DLGAP2: variants seen among roughly 807,000 people sequenced by gnomAD.
DLGAP2 encodes the protein DLG associated protein 2.
In DLGAP2, 26 loss-of-function variants were observed where a neutral mutation model predicts 100.3. That is an observed-to-expected ratio of 0.26 (90% CI 0.19 to 0.36). The LOEUF (loss-of-function observed/expected upper bound fraction) is 0.36, where lower values mean the gene tolerates loss of function less well. Among genes scored for constraint, DLGAP2 ranks in the 10% least tolerant of loss-of-function variants. The pLI is 1.00. For missense variants in DLGAP2, 1,858 were observed against 1,453.2 expected (o/e 1.28, Z -4.53); for synonymous variants, 886 against 630.1 (o/e 1.41, Z -6.08).
At chr8:1,311,058 G>C (rs1440100771) in intron 3 of DLGAP2, among the ~76,000 whole-genome samples, 1 of 149,966 alleles carries the variant, frequency 6.7e-6, no homozygotes, top group Non-Finnish European at 1.5e-5. Context: ...AAAAAAAAAA[G>C]AGAACACATA....
chr8:1,339,966 T>A (rs1368470917), intron 3 of DLGAP2, among the ~76,000 whole-genome samples: 2 of 152,242 alleles, frequency 1.3e-5, no homozygotes, highest in Non-Finnish European at 2.9e-5. Flanking sequence ...TAAATGTACA[T>A]GAGAAAATCA....
At chr8:822,987 G>T (rs1347995938) in intron 1 of DLGAP2, among the ~76,000 whole-genome samples, 1 of 152,084 alleles carries the variant, frequency 6.6e-6, no homozygotes, top group Non-Finnish European at 1.5e-5. Flanking sequence ...TTTGTCAAAG[G>T]GAAGAGAGGA....
intron 6 of DLGAP2, among the ~76,000 whole-genome samples, chr8:1,607,018 A>G (rs1329178303): frequency 6.6e-6 from 1 of 152,112 alleles, no homozygotes; most frequent in Admixed American, 6.5e-5. Context: ...ACACATTTTC[A>G]TTTCTCCTGG....
Position 1,550,376 on chromosome 8 carries a change from C to T in DLGAP2, c.1230+693C>T, listed in dbSNP as rs984206765. Among the ~76,000 whole-genome samples, 7 of 152,336 alleles carry T rather than the reference C, an allele frequency of 4.6e-5. No homozygotes were observed. The East Asian group carries it at 9.7e-4, about 21-fold the overall frequency. Reference sequence around the variant, plus strand: ...TGAGTCTGGCCTGCTCTGGGAGGGCCTCTGAAGATCCCGACTCCTCCTTGG... The same window carrying T: ...TGAGTCTGGCCTGCTCTGGGAGGGCTTCTGAAGATCCCGACTCCTCCTTGG... On this transcript the variant is annotated intron_variant, in intron 5 of 14. Transcript: ENST00000637795.
intron 3 of DLGAP2, among the ~76,000 whole-genome samples, chr8:1,296,387 C>T (rs960164783): frequency 6.6e-6 from 1 of 152,086 alleles, no homozygotes; most frequent in African/African-American, 2.4e-5. Flanking sequence ...GCTGCATGTG[C>T]CTTGTAACTT....
intron 2 of DLGAP2, among the ~76,000 whole-genome samples, chr8:1,062,585 C>G (rs1275806639): frequency 6.6e-6 from 1 of 152,188 alleles, no homozygotes; most frequent in African/African-American, 2.4e-5. Flanking sequence ...GCTGGTAGCA[C>G]TCAACTAGTT....
Position 1,107,063 on chromosome 8 carries a change from C to A in DLGAP2, c.74-151788C>A, listed in dbSNP as rs1804798333. On this transcript the variant is annotated intron_variant, in intron 2 of 14. Transcript: ENST00000637795. ...AGTGAGTGTACTGACAATGCATTTCCCATTCTAACAAAATGTGACTTTTGT... is the reference window on the plus strand; with the variant it reads ...AGTGAGTGTACTGACAATGCATTTCACATTCTAACAAAATGTGACTTTTGT... Among the ~76,000 whole-genome samples the A allele has an allele frequency of 2.0e-5, 3 of 152,108 alleles. No individual in the cohort carries two copies. The South Asian group carries it at 6.2e-4, about 32-fold the overall frequency.
intron 3 of DLGAP2, among the ~76,000 whole-genome samples, chr8:1,448,969 C>T (rs1038219809): frequency 3.3e-5 from 5 of 152,302 alleles, no homozygotes; most frequent in South Asian, 2.1e-4. Context: ...CCTTAGGTCA[C>T]GCAAAGTCTG....
intron 1 of DLGAP2, among the ~76,000 whole-genome samples, chr8:768,671 G>A (rs946134510): frequency 1.5e-4 from 23 of 151,828 alleles, no homozygotes; most frequent in Admixed American, 2.0e-4. Flanking sequence ...TGATCTGCCC[G>A]CCTCGGCCTC....
intron 3 of DLGAP2, among the ~76,000 whole-genome samples, chr8:1,347,473 T>G (rs557842721): frequency 6.6e-6 from 1 of 152,210 alleles, no homozygotes; most frequent in Non-Finnish European, 1.5e-5. Context: ...AGAGCTGCAT[T>G]GCTCTCATGG....
chr8:1,182,491 T>G lies in DLGAP2; in HGVS notation c.74-76360T>G, dbSNP rs559547068. 1.7e-3 allele frequency among the ~76,000 whole-genome samples: 255 copies of G among 152,340 alleles called. 2 individuals carry two copies. Among genetic ancestry groups the G allele is most frequent in the African/African-American group, 6.0e-3 (249 of 41,588 alleles). ...AATTCTCGTAGCCCTAACAGAATTG[T>G]GTCACTAGGAAATGAGCGTGCATTT... On this transcript the variant is annotated intron_variant, in intron 2 of 14. Coordinates refer to ENST00000637795, the MANE Select transcript of DLGAP2 (RefSeq NM_001346810.2).
intron 3 of DLGAP2, among the ~76,000 whole-genome samples, chr8:1,263,545 A>G (rs1043769040): frequency 6.6e-6 from 1 of 152,224 alleles, no homozygotes; most frequent in African/African-American, 2.4e-5. Context: ...AGTTAGTAGC[A>G]TTAAGTTCTT....
intron 1 of DLGAP2, among the ~76,000 whole-genome samples, chr8:871,670 C>T (rs887438817): frequency 6.6e-6 from 1 of 152,040 alleles, no homozygotes. Flanking sequence ...AGACATTCAA[C>T]CAGATAAGTA....
intron 2 of DLGAP2, chr8:1,018,613 T>C: frequency 6.6e-6 from 1 of 152,244 alleles, no homozygotes; most frequent in Admixed American, 6.5e-5. Flanking sequence ...TTAAAGTTTA[T>C]CTGTCCTCAT....
intron 4 of DLGAP2, among the ~76,000 whole-genome samples, chr8:1,527,489 G>T (rs1458244921): frequency 6.6e-6 from 1 of 152,244 alleles, no homozygotes; most frequent in African/African-American, 2.4e-5. Context: ...CAGCAGCTCT[G>T]GTCTTTGTCA....
intron 1 of DLGAP2, among the ~76,000 whole-genome samples, chr8:782,429 T>C (rs1821718491): frequency 6.6e-6 from 1 of 152,172 alleles, no homozygotes; most frequent in Non-Finnish European, 1.5e-5. Context: ...CAATTATGAA[T>C]ACCTAAATAT....
intron 2 of DLGAP2, among the ~76,000 whole-genome samples, chr8:1,194,798 C>T (rs772855829): frequency 4.6e-5 from 7 of 152,194 alleles, no homozygotes; most frequent in Non-Finnish European, 8.8e-5. Flanking sequence ...AGTCTCTTAT[C>T]GTCCTCTCTG....
At chr8:869,158 C>T (rs1797552438) in intron 1 of DLGAP2, among the ~76,000 whole-genome samples, 3 of 152,136 alleles carry the variant, frequency 2.0e-5, no homozygotes, top group South Asian at 4.1e-4. Context: ...ACATATACAG[C>T]TTAGTGTAAT....
intron 6 of DLGAP2, among the ~76,000 whole-genome samples, chr8:1,593,014 C>T (rs1563243603): frequency 6.6e-6 from 1 of 152,044 alleles, no homozygotes; most frequent in African/African-American, 2.4e-5. Flanking sequence ...TTTATTAATT[C>T]AGCATTTGTG....
Sources: gnomAD v4.1 joint callset for allele counts (sites outside exome capture counted in the v4.1 genomes callset) on GRCh38, gnomAD v4.1.1 for gene constraint, MANE v1.5 for transcripts, NCBI Gene and HGNC (gene_info 2026-07-23, HGNC 2026-07-21) for gene names.